The following PCSK4 variants were observed in gnomAD, a reference collection of about 807,000 sequenced individuals.
The protein encoded by PCSK4 is testicular tissue protein Li 135.
Under a neutral mutation model 80.3 loss-of-function variants are expected in PCSK4, and 64 were observed. The observed-to-expected ratio is 0.80, with a 90% confidence interval of 0.65 to 0.98. PCSK4 has a LOEUF of 0.98. Ranked by LOEUF, PCSK4 falls within the 50% of genes least tolerant of loss-of-function variation. PCSK4 has a pLI of 0.00. For missense variants in PCSK4, 1,213 were observed against 1,093.6 expected, an observed-to-expected ratio of 1.11 and a Z score of -1.54; for synonymous variants, 561 against 487.6, an observed-to-expected ratio of 1.15 and a Z score of -1.98.
chr19:1,487,289 A>T, exon 7 of PCSK4: 1 of 1,598,138 alleles, frequency 6.3e-7, no homozygotes, highest in Non-Finnish European at 8.5e-7. Context: ...GACATCGGTG[A>T]TGGTACCGTC....
chr19:1,486,389 C>A (rs374389682), intron 8 of PCSK4, among the ~76,000 whole-genome samples: 1 of 147,664 alleles, frequency 6.8e-6, no homozygotes, highest in Non-Finnish European at 1.5e-5. Flanking sequence ...CCCTGCCTCC[C>A]GGGTTCATGC....
In PCSK4 at chr19:1,487,877, G is replaced by A. The variant is rs762875811; in HGVS notation, c.517-16C>T. 39 of 1,548,530 alleles carry A rather than the reference G, an allele frequency of 2.5e-5. No homozygotes were observed. The highest frequency in any genetic ancestry group is 3.3e-5 in the Non-Finnish European group (38 of 1,140,974). On this transcript the variant is annotated splice_polypyrimidine_tract_variant and intron_variant, in intron 4 of 14. Transcript: ENST00000300954. ...CCAGGGGGTCCTGGGGGCAGGTGGG[G>A]ATATGAGGGGGCCGGGAGGCGTCCC...
exon 4 of PCSK4, chr19:1,488,050 T>G (rs2084733089): frequency 1.2e-6 from 2 of 1,613,238 alleles, no homozygotes; most frequent in Non-Finnish European, 1.7e-6. Context: ...AGCCCCTGAC[T>G]CCAGGCCTGC....
intron 12 of PCSK4, 25 bp downstream of exon 12, chr19:1,483,259 C>T (rs775502482): frequency 3.9e-6 from 6 of 1,537,550 alleles, no homozygotes; most frequent in Non-Finnish European, 4.4e-6. Flanking sequence ...ATGAGGCCGC[C>T]CCCTCTCCTC....
exon 12 of PCSK4, chr19:1,483,323 G>C (rs911638965): frequency 6.2e-7 from 1 of 1,609,118 alleles, no homozygotes; most frequent in African/African-American, 1.3e-5. Flanking sequence ...CATGGGGCTG[G>C]TGAGCGAGAT....
chr19:1,482,530 G>C (rs1259579817), intron 13 of PCSK4, 55 bp from the exon 14 acceptor site: 1 of 1,561,046 alleles, frequency 6.4e-7, no homozygotes, highest in East Asian at 2.3e-5. Flanking sequence ...CGGCAGCCTG[G>C]TCCTGGTAGT....
upstream of PCSK4, chr19:1,490,853 A>C: frequency 5.7e-6 from 1 of 176,658 alleles, no homozygotes; most frequent in Non-Finnish European, 1.1e-5. Flanking sequence ...CCGTTTCTCC[A>C]ATCGGCTCGG....
At chr19:1,483,484 G>A (rs2084422231) in intron 11 of PCSK4, 21 bp from the exon 12 acceptor site, 3 of 1,548,422 alleles carry the variant, frequency 1.9e-6, no homozygotes, top group Non-Finnish European at 2.6e-6. Context: ...CGAGGGGTGA[G>A]GACCCTCCTG....
chr19:1,489,876 A>C, exon 2 of PCSK4: 1 of 1,609,934 alleles, frequency 6.2e-7, no homozygotes, highest in Non-Finnish European at 8.5e-7. Context: ...CGCAGGTGAA[A>C]GTACTGCCCG....
chr19:1,489,739 C>T (rs1866527158), intron 2 of PCSK4, 54 bp downstream of exon 2: 2 of 1,536,876 alleles, frequency 1.3e-6, no homozygotes, highest in African/African-American at 3.2e-5. Flanking sequence ...GGCTGGTGGC[C>T]CCAGGAGGCA....
At chr19:1,488,552 C>G (rs1216530156) in intron 2 of PCSK4, among the ~76,000 whole-genome samples, 1 of 151,502 alleles carries the variant, frequency 6.6e-6, no homozygotes, top group Non-Finnish European at 1.5e-5. Flanking sequence ...TGTTCTAGAT[C>G]CTTCTATCTC....
At chr19:1,487,816 G>T in exon 5 of PCSK4, 2 of 1,575,640 alleles carry the variant, frequency 1.3e-6, no homozygotes, top group Non-Finnish European at 1.7e-6. Context: ...TAGCGGGGCT[G>T]GGGGTCCGGG....
chr19:1,485,849 C>T (rs906092684), intron 8 of PCSK4, among the ~76,000 whole-genome samples: 4 of 152,114 alleles, frequency 2.6e-5, no homozygotes, highest in East Asian at 1.9e-4. Flanking sequence ...CCAGCCTGGA[C>T]GACAGAGCCA....
At position 1,483,278 on chromosome 19, in the gene PCSK4, G is replaced by A. The variant is rs202099458; in HGVS notation, c.1571+6C>T. On this transcript the variant is annotated splice_donor_region_variant and intron_variant, in intron 12 of 14. Transcript: ENST00000300954. Reference sequence around the variant, plus strand: ...GGCCGCCCCCTCTCCTCTGCGGGCCGCTCACCGTATGGCCACGAGTGTGGA... The same window carrying A: ...GGCCGCCCCCTCTCCTCTGCGGGCCACTCACCGTATGGCCACGAGTGTGGA... 1,096 of 1,572,410 alleles carry A rather than the reference G, an allele frequency of 7.0e-4. 6 individuals are homozygous for A. The East Asian group carries it at 0.017, about 24-fold the overall frequency.
At chr19:1,489,814 C>G (rs2145446264) in exon 2 of PCSK4, 1 of 1,610,584 alleles carries the variant, frequency 6.2e-7, no homozygotes, top group Non-Finnish European at 8.5e-7. Flanking sequence ...TCTTCAGGTG[C>G]AGGCGGTGGC....
At chr19:1,486,463 A>AT (rs898484904) in intron 8 of PCSK4, among the ~76,000 whole-genome samples, 1 of 149,762 alleles carries the variant, frequency 6.7e-6, no homozygotes, top group African/African-American at 2.5e-5. Context: ...CGCCCGGCTA[A>AT]TTTTTTGTAT....
rs2084464086 is a variant in PCSK4, at chr19:1,483,959, G to GGGGGCC, written c.1170-19_1170-18insGGCCCC. 1 of 1,436,924 alleles carries GGGGGCC rather than the reference G, an allele frequency of 7.0e-7. No individual in the cohort carries two copies. Among genetic ancestry groups the GGGGGCC allele is most frequent in the Non-Finnish European group, 9.1e-7 (1 of 1,096,368 alleles). 89.0% of individuals were successfully genotyped at this position (1,436,924 alleles called of 1,614,324 possible). A position where few individuals can be genotyped will look rare whatever the true frequency, so the allele number is the denominator to read the frequency against. On this transcript the variant is annotated intron_variant, in intron 9 of 14. Transcript: ENST00000300954. ...GGAACGGGCTGCGGGGGGCGGGGGC[G>GGGGGCC]GGGGCGGGTGAGCCGCCGGGCCGCG...
At position 1,483,276 on chromosome 19, in the gene PCSK4, C is replaced by T; in HGVS notation, c.1571+8G>A. The T allele has an allele frequency of 6.4e-7, 1 of 1,568,840 alleles. No individual in the cohort carries two copies. Among genetic ancestry groups the T allele is most frequent in the Non-Finnish European group, 8.6e-7 (1 of 1,156,704 alleles). On this transcript the variant is annotated splice_region_variant and intron_variant, in intron 12 of 14. Coordinates refer to ENST00000300954, the Ensembl canonical transcript of PCSK4. Reference sequence around the variant, plus strand: ...GAGGCCGCCCCCTCTCCTCTGCGGGCCGCTCACCGTATGGCCACGAGTGTG... The same window carrying T: ...GAGGCCGCCCCCTCTCCTCTGCGGGTCGCTCACCGTATGGCCACGAGTGTG...
exon 15 of PCSK4, chr19:1,481,601 C>G (rs1293179366): frequency 5.8e-6 from 3 of 517,326 alleles, no homozygotes; most frequent in African/African-American, 5.7e-5. Context: ...CTCTCTCTCT[C>G]TCCCGCCAGG....
Sources: gnomAD v4.1 joint callset for allele counts (sites outside exome capture counted in the v4.1 genomes callset) on GRCh38, gnomAD v4.1.1 for gene constraint, MANE v1.5 for transcripts, NCBI Gene and HGNC (gene_info 2026-07-23, HGNC 2026-07-21) for gene names.